Variants in SHISA9 observed in about 807,000 individuals in gnomAD.
SHISA9 encodes shisa family member 9, also known as protein shisa-9.
Under a neutral mutation model 38.0 loss-of-function variants are expected in SHISA9, and 13 were observed. The ratio of observed to expected loss-of-function variants is 0.34; its 90% confidence interval spans 0.22 to 0.54. The LOEUF is 0.54. Ranked by LOEUF, SHISA9 falls within the 20% of genes least tolerant of loss-of-function variation. The probability of loss-of-function intolerance (pLI) is 0.91; values close to 1 mark genes in which losing one functional copy is unlikely to be tolerated. For missense variants in SHISA9, 538 were observed against 575.8 expected, an observed-to-expected ratio of 0.93 and a Z score of 0.67; for synonymous variants, 275 against 242.0, an observed-to-expected ratio of 1.14 and a Z score of -1.27.
At chr16:13,029,264 A>G (rs2072962439) in intron 2 of SHISA9, among the ~76,000 whole-genome samples, 1 of 152,228 alleles carries the variant, frequency 6.6e-6, no homozygotes, top group South Asian at 2.1e-4. Context: ...GAATGGATAA[A>G]GAAAATGTGG....
At chr16:13,434,419 G>GGTTTTTTTTTTTTTT in the SHISA9 span, among the ~76,000 whole-genome samples, 1 of 64,566 alleles carries the variant, frequency 1.5e-5, no homozygotes, top group Non-Finnish European at 3.2e-5. Context: ...GACAAGCTAT[G>GGTTTTTTTTTTTTTT]TTTTTTTTTT....
the SHISA9 span, among the ~76,000 whole-genome samples, chr16:13,310,487 G>A: frequency 3.3e-5 from 5 of 152,022 alleles, no homozygotes; most frequent in African/African-American, 9.7e-5. Flanking sequence ...TGATTTTTAC[G>A]TTATCATTCC....
At chr16:12,926,357 C>T (rs946120941) in intron 2 of SHISA9, among the ~76,000 whole-genome samples, 9 of 151,994 alleles carry the variant, frequency 5.9e-5, no homozygotes, top group Admixed American at 2.0e-4. Context: ...ATGGACCAAC[C>T]GAGATAAAGT....
chr16:13,390,784 G>A, the SHISA9 span, among the ~76,000 whole-genome samples: 1 of 152,160 alleles, frequency 6.6e-6, no homozygotes, highest in Admixed American at 6.5e-5. Flanking sequence ...GGAAAGAAAG[G>A]CTTTGGGAGA....
At chr16:13,062,652 G>T (rs12596172) in intron 2 of SHISA9, among the ~76,000 whole-genome samples, 1 of 152,192 alleles carries the variant, frequency 6.6e-6, no homozygotes, top group African/African-American at 2.4e-5. Context: ...CCTGGAGTAG[G>T]GGGAGGGGAG....
intron 2 of SHISA9, among the ~76,000 whole-genome samples, chr16:12,973,385 T>A (rs2072111377): frequency 1.3e-5 from 2 of 152,200 alleles, no homozygotes; most frequent in African/African-American, 4.8e-5. Flanking sequence ...GCTGGAGAGT[T>A]CAATTCTAGT....
the SHISA9 span, among the ~76,000 whole-genome samples, chr16:13,528,326 A>C: frequency 1.3e-5 from 2 of 152,094 alleles, no homozygotes; most frequent in Non-Finnish European, 2.9e-5. Flanking sequence ...CAACCCAAAG[A>C]GCATCAGAGC....
chr16:13,486,819 C>G, the SHISA9 span, among the ~76,000 whole-genome samples: 1 of 152,212 alleles, frequency 6.6e-6, no homozygotes, highest in African/African-American at 2.4e-5. Context: ...ATTCTCCTGC[C>G]TCAGCCTCCA....
chr16:13,490,634 C>G, the SHISA9 span, among the ~76,000 whole-genome samples: 2 of 152,168 alleles, frequency 1.3e-5, no homozygotes, highest in Non-Finnish European at 2.9e-5. Flanking sequence ...AGTCTTTCCT[C>G]TGGAAACGAC....
chr16:13,085,276 A>G (rs574502496), intron 2 of SHISA9, among the ~76,000 whole-genome samples: 5 of 152,260 alleles, frequency 3.3e-5, no homozygotes, highest in African/African-American at 7.2e-5. Flanking sequence ...GTCGATACCT[A>G]TACTCCAAAA....
the SHISA9 span, among the ~76,000 whole-genome samples, chr16:13,442,752 G>A: frequency 2.8e-3 from 428 of 152,274 alleles, no homozygotes; most frequent in African/African-American, 9.9e-3. Context: ...CCCAGAGTCT[G>A]AGACCAACCT....
At chr16:13,386,906 C>A in the SHISA9 span, among the ~76,000 whole-genome samples, 1 of 152,124 alleles carries the variant, frequency 6.6e-6, no homozygotes, top group Admixed American at 6.5e-5. Context: ...TAATGTTTTA[C>A]TATCTAAATT....
the SHISA9 span, among the ~76,000 whole-genome samples, chr16:13,472,377 A>ATTT: frequency 0.048 from 2,652 of 55,578 alleles, 508 homozygotes; most frequent in Non-Finnish European, 0.052. Context: ...GCTCTGCTAA[A>ATTT]TTTTTTTTTT....
chr16:13,529,653 T>C, the SHISA9 span, among the ~76,000 whole-genome samples: 18 of 152,222 alleles, frequency 1.2e-4, no homozygotes, highest in Non-Finnish European at 2.6e-4. Context: ...ATAAACCTCC[T>C]TGCAATATGT....
At chr16:13,358,850 G>A in the SHISA9 span, among the ~76,000 whole-genome samples, 1 of 152,212 alleles carries the variant, frequency 6.6e-6, no homozygotes, top group African/African-American at 2.4e-5. Flanking sequence ...GACAGGCCTA[G>A]AAGACAGGGT....
At chr16:13,267,031 G>A in the SHISA9 span, among the ~76,000 whole-genome samples, 3 of 152,182 alleles carry the variant, frequency 2.0e-5, no homozygotes, top group Non-Finnish European at 4.4e-5. Flanking sequence ...TCAAGTTGCT[G>A]AAAAAGAGGA....
At chr16:13,002,348 G>A in intron 2 of SHISA9, among the ~76,000 whole-genome samples, 1 of 152,132 alleles carries the variant, frequency 6.6e-6, no homozygotes, top group East Asian at 1.9e-4. Context: ...AAAGCCTGCA[G>A]AATTTCACTG....
intron 2 of SHISA9, among the ~76,000 whole-genome samples, chr16:13,079,735 C>T (rs966466941): frequency 6.6e-5 from 10 of 152,166 alleles, no homozygotes; most frequent in African/African-American, 1.4e-4. Context: ...TCAGATTACT[C>T]GGGTTCCTTG....
intron 2 of SHISA9, among the ~76,000 whole-genome samples, chr16:12,975,025 GATTA>G (rs1322908870): frequency 3.3e-5 from 5 of 152,088 alleles, no homozygotes; most frequent in East Asian, 3.9e-4. Context: ...TTAATTAATT[GATTA>G]ATTAATCCAT....
Sources: allele counts gnomAD v4.1 joint callset (sites outside exome capture counted in the v4.1 genomes callset), GRCh38; gene constraint gnomAD v4.1.1; transcripts MANE v1.5; gene names NCBI Gene and HGNC (gene_info 2026-07-23, HGNC 2026-07-21).